LRP2: variants seen among roughly 807,000 people sequenced by gnomAD.
The protein encoded by LRP2 is LDL receptor related protein 2, also known as low-density lipoprotein receptor-related protein 2.
LRP2 carries 172 observed loss-of-function variants against 531.0 expected under a neutral mutation model. The ratio of observed to expected loss-of-function variants is 0.32; its 90% CI spans 0.29 to 0.37. The LOEUF is 0.37. Ranked by LOEUF, LRP2 falls within the 10% of genes least tolerant of loss-of-function variation. The pLI is 1.00. For missense variants in LRP2, 5,167 were observed against 5,868.3 expected, an observed-to-expected ratio of 0.88 and a Z score of 3.90; for synonymous variants, 1,992 against 2,027.6, an observed-to-expected ratio of 0.98 and a Z score of 0.47.
chr2:169,267,305 C>T (rs370611654), intron 16 of LRP2, among the ~76,000 whole-genome samples: 7 of 152,004 alleles, frequency 4.6e-5, no homozygotes, highest in African/African-American at 7.3e-5. Flanking sequence ...AGTATACATT[C>T]CTCTCAGCAC....
chr2:169,219,401 A>G (rs994133693), intron 34 of LRP2, among the ~76,000 whole-genome samples: 1 of 152,206 alleles, frequency 6.6e-6, no homozygotes, highest in African/African-American at 2.4e-5. Flanking sequence ...ATAATATGGT[A>G]TAGTAGATCA....
Position 169,206,592 on chromosome 2 carries a change from T to G in LRP2, c.7128A>C (p.Gln2376His). ...PKCDCAFGTL[Q>H]SDGKNCAIST... ...AAATGGCACAATTCTTGCCATCACT[T>G]TGCAGGGTCCCAAAGGCACAGTCAC... Residue 2376 changes from glutamine (Q) to histidine (H), a missense_variant, in exon 39 of 79, where the codon CAA (glutamine) becomes CAC (histidine). This residue lies in a region of LRP2 where 2,811 missense variants were observed against 3,058.0 expected (regional missense o/e 0.92). Coordinates refer to ENST00000649046, the MANE Select transcript of LRP2 (RefSeq NM_004525.3). 6.2e-7 allele frequency: 1 copy of G among 1,614,136 alleles called. No homozygotes were observed.
intron 9 of LRP2, among the ~76,000 whole-genome samples, chr2:169,285,123 A>C (rs1423681707): frequency 6.6e-6 from 1 of 151,250 alleles, no homozygotes; most frequent in Non-Finnish European, 1.5e-5. Context: ...AGCCTGGGCA[A>C]TATGGCAAGG....
chr2:169,168,440 A>G, intron 61 of LRP2, 99 bp downstream of exon 61: 1 of 1,455,932 alleles, frequency 6.9e-7, no homozygotes, highest in South Asian at 1.2e-5. Context: ...TTCCTAAACA[A>G]TTGTACAACT....
chr2:169,242,561 T>C (rs1316008988), intron 24 of LRP2, among the ~76,000 whole-genome samples: 3 of 151,944 alleles, frequency 2.0e-5, no homozygotes, highest in Non-Finnish European at 4.4e-5. Context: ...TAAACACAGC[T>C]CCATACCATT....
At position 169,193,813 on chromosome 2, in the gene LRP2, G is replaced by A. The variant is rs199845695; in HGVS notation, c.8778C>T (p.Asp2926=). 2.5e-5 allele frequency: 41 copies of A among 1,614,068 alleles called. No individual in the cohort carries two copies. Among genetic ancestry groups the A allele is most frequent in the East Asian group, 1.1e-4 (5 of 44,880 alleles). Residue 2926 remains aspartate (D), a synonymous_variant, in exon 47 of 79, where the codon GAC becomes GAT. Coordinates refer to ENST00000649046, the MANE Select transcript of LRP2 (RefSeq NM_004525.3). ...GRCIPSEWIC[D]GDNDCGDMSD... is the part of the protein sequence containing the mutation. The stretch of plus-strand genomic sequence containing the variant: ...TCATATCCCCACAGTCATTATCACC[G>A]TCACAGATCCATTCGCTTGGGATGC...
At chr2:169,263,821 C>T (rs932677469) in intron 16 of LRP2, among the ~76,000 whole-genome samples, 1 of 151,932 alleles carries the variant, frequency 6.6e-6, no homozygotes, top group African/African-American at 2.4e-5. Flanking sequence ...GCACTATTCA[C>T]AATAGCAAAG....
chr2:169,295,711 C>T (rs1377416158), intron 4 of LRP2, among the ~76,000 whole-genome samples: 1 of 152,196 alleles, frequency 6.6e-6, no homozygotes, highest in Non-Finnish European at 1.5e-5. Flanking sequence ...TGGGACATTA[C>T]TCTCTGTGCT....
Position 169,182,086 on chromosome 2 carries a change from T to A in LRP2, c.9998+81A>T. The A allele has an allele frequency of 2.6e-6, 4 of 1,566,548 alleles. No homozygotes were observed. The African/African-American group carries it at 5.4e-5, about 21-fold the overall frequency. On this transcript the variant is annotated intron_variant, in intron 51 of 78. Transcript: ENST00000649046. Reference sequence around the variant, plus strand: ...CCCCAGCAAGACATTGGCCTTGAGATAGTTACATGAACAGCCTTCTCGGTA... The same window carrying A: ...CCCCAGCAAGACATTGGCCTTGAGAAAGTTACATGAACAGCCTTCTCGGTA...
chr2:169,338,795 G>C (rs1049738951), intron 1 of LRP2, among the ~76,000 whole-genome samples: 1 of 152,266 alleles, frequency 6.6e-6, no homozygotes, highest in East Asian at 1.9e-4. Context: ...GGAAGAGCAC[G>C]CGAAGACTGC....
intron 31 of LRP2, among the ~76,000 whole-genome samples, chr2:169,227,341 A>C (rs570512073): frequency 2.6e-5 from 4 of 152,340 alleles, no homozygotes; most frequent in Admixed American, 2.6e-4. Context: ...TATCTTCCAA[A>C]GTTCTCAAAA....
intron 44 of LRP2, 137 bp from the exon 45 acceptor site, chr2:169,199,048 G>T: frequency 1.3e-6 from 1 of 796,078 alleles, no homozygotes; most frequent in Non-Finnish European, 2.1e-6. Flanking sequence ...AGAAAGGCAG[G>T]ATCCATGATA....
intron 1 of LRP2, among the ~76,000 whole-genome samples, chr2:169,326,179 TCCCCTCTC>T (rs1685050481): frequency 8.0e-5 from 1 of 12,448 alleles, no homozygotes; most frequent in Non-Finnish European, 1.4e-4. Context: ...CCTCCCCCTC[TCCCCTCTC>T]CCCTCTCCCC....
intron 63 of LRP2, 79 bp downstream of exon 63, chr2:169,162,393 T>G: frequency 6.6e-7 from 1 of 1,512,320 alleles, no homozygotes. Flanking sequence ...GTGGTCAGTG[T>G]CTACATTATG....
At chr2:169,162,678 T>C (rs1686634592) in intron 62 of LRP2, 78 bp from the exon 63 acceptor site, 1 of 1,461,242 alleles carries the variant, frequency 6.8e-7, no homozygotes, top group Non-Finnish European at 9.5e-7. Flanking sequence ...CAGAGACAGT[T>C]TGTGCTTACC....
chr2:169,270,243 A>T (rs1327135694), intron 16 of LRP2, among the ~76,000 whole-genome samples: 3 of 152,206 alleles, frequency 2.0e-5, no homozygotes, highest in Non-Finnish European at 4.4e-5. Flanking sequence ...TGACCCAGCC[A>T]TCCCATTACT....
intron 15 of LRP2, 146 bp from the exon 16 acceptor site, chr2:169,271,253 T>A: frequency 1.7e-6 from 1 of 597,642 alleles, no homozygotes; most frequent in Non-Finnish European, 2.9e-6. Context: ...TTGGAAAGCA[T>A]AGTTAGAAAT....
Position 169,270,757 on chromosome 2 carries a change from T to TATAAATAA in LRP2, c.2320+139_2320+146dup, listed in dbSNP as rs3083194. On this transcript the variant is annotated intron_variant, in intron 16 of 78. Transcript: ENST00000649046. ...TACCCTAGAACTTAAAGTAAAATAGTATAAATAAATAAATAAATAAATAAA... is the reference window on the plus strand; with the variant it reads ...TACCCTAGAACTTAAAGTAAAATAGTATAAATAAATAAATAAATAAATAAATAAATAAA... 0.32 allele frequency: 67,390 copies of TATAAATAA among 211,952 alleles called. 11,335 individuals are homozygous for TATAAATAA. Among genetic ancestry groups the TATAAATAA allele is most frequent in the Non-Finnish European group, 0.35 (40,569 of 114,642 alleles). The allele number at this position is 211,952 out of a possible 1,614,324, so 13.1% of individuals were successfully genotyped here. A position where few individuals can be genotyped will look rare whatever the true frequency, so the allele number is the denominator to read the frequency against.
chr2:169,284,578 C>T (rs2105457473), intron 9 of LRP2, among the ~76,000 whole-genome samples: 1 of 152,126 alleles, frequency 6.6e-6, no homozygotes, highest in Middle Eastern at 3.4e-3. Flanking sequence ...CAAGAAGGCT[C>T]TTCTAATGAT....
Sources: allele counts gnomAD v4.1 joint callset (sites outside exome capture counted in the v4.1 genomes callset), GRCh38; gene constraint gnomAD v4.1.1; regional missense constraint gnomAD v4.1.1; transcripts MANE v1.5; gene names NCBI Gene and HGNC (gene_info 2026-07-23, HGNC 2026-07-21).